The following PIK3C2G variants were observed in gnomAD, a reference collection of about 807,000 sequenced individuals.
PIK3C2G encodes the protein phosphatidylinositol 3-kinase C2 domain-containing subunit gamma.
A neutral mutation model predicts 181.1 loss-of-function variants in PIK3C2G; 168 were observed. The ratio of observed to expected loss-of-function variants is 0.93; its 90% confidence interval spans 0.82 to 1.05. PIK3C2G has a LOEUF of 1.05. PIK3C2G is among the 50% of genes least tolerant of loss of function. The pLI is 0.00. For missense variants in PIK3C2G, 1,869 were observed against 1,732.8 expected (o/e 1.08, Z -1.40); for synonymous variants, 573 against 592.2 (o/e 0.97, Z 0.47).
At chr12:18,360,975 C>G (rs1941185138) in intron 11 of PIK3C2G, among the ~76,000 whole-genome samples, 1 of 151,686 alleles carries the variant, frequency 6.6e-6, no homozygotes, top group Admixed American at 6.6e-5. Context: ...TTTTCTTTTT[C>G]TTTTTTTCTC....
chr12:18,297,596 G>C (rs777219678), intron 5 of PIK3C2G, among the ~76,000 whole-genome samples: 11 of 151,710 alleles, frequency 7.3e-5, no homozygotes, highest in Admixed American at 6.6e-5. Context: ...GTTAACTGTA[G>C]TCAAACTACT....
At chr12:18,329,538 T>C (rs565047189) in intron 8 of PIK3C2G, among the ~76,000 whole-genome samples, 22 of 152,150 alleles carry the variant, frequency 1.4e-4, no homozygotes, top group Middle Eastern at 3.4e-3. Context: ...TATGCACTTT[T>C]TGAGCCCTGT....
chr12:18,705,237 GCAAA>G, the PIK3C2G span: 1 of 1,614,020 alleles, frequency 6.2e-7, no homozygotes, highest in Non-Finnish European at 8.5e-7. Context: ...AAAGTAGCCT[GCAAA>G]TTGTCTGCCA....
At position 18,621,183 on chromosome 12, in the gene PIK3C2G, A is replaced by C. The variant is rs115072277; in HGVS notation, c.4182+11554A>C. 4.2e-3 allele frequency among the ~76,000 whole-genome samples: 644 copies of C among 152,034 alleles called. 4 individuals are homozygous for C. The highest frequency in any genetic ancestry group is 0.015 in the African/African-American group (619 of 41,548). ...GTGTCAGGAAGTTTGGAATCATTTA[A>C]GGCAGTTCAAAGCAATTTGAAAAAA... On this transcript the variant is annotated intron_variant, in intron 31 of 32. Coordinates refer to ENST00000538779, the MANE Select transcript of PIK3C2G (RefSeq NM_001288772.2).
intron 10 of PIK3C2G, among the ~76,000 whole-genome samples, 195 bp from the exon 11 acceptor site, chr12:18,346,446 A>G (rs934308707): frequency 6.6e-6 from 1 of 152,192 alleles, no homozygotes; most frequent in Non-Finnish European, 1.5e-5. Context: ...CAGAAAGCTT[A>G]TTGATGTCTA....
At chr12:18,532,729 C>A (rs1168270692) in intron 24 of PIK3C2G, among the ~76,000 whole-genome samples, 2 of 152,082 alleles carry the variant, frequency 1.3e-5, no homozygotes, top group African/African-American at 4.8e-5. Flanking sequence ...TCTGACAGTA[C>A]CCTGTGGGGG....
At chr12:18,484,545 T>G (rs898960261) in intron 18 of PIK3C2G, among the ~76,000 whole-genome samples, 7 of 152,184 alleles carry the variant, frequency 4.6e-5, no homozygotes, top group African/African-American at 1.7e-4. Flanking sequence ...CTGATTGGAA[T>G]TTGCATTATC....
In PIK3C2G at chr12:18,298,408, C is replaced by CTTT. The variant is rs71061295; in HGVS notation, c.1034+4404_1034+4406dup. 9.4e-3 allele frequency among the ~76,000 whole-genome samples: 1,297 copies of CTTT among 138,386 alleles called. 5 individuals are homozygous for CTTT. Among genetic ancestry groups the CTTT allele is most frequent in the African/African-American group, 0.013 (504 of 37,840 alleles). 90.8% of individuals were successfully genotyped at this position (138,386 alleles called of 152,430 possible). A position where few individuals can be genotyped will look rare whatever the true frequency, so the allele number is the denominator to read the frequency against. On this transcript the variant is annotated intron_variant, in intron 5 of 32. Transcript: ENST00000538779. ...TTCATTTTTAGTTTGTGTGTTTTTT[C>CTTT]TTTTTTTTTTTTTGCTGTTGAGTTT...
At chr12:18,358,044 T>C (rs1228149122) in intron 11 of PIK3C2G, among the ~76,000 whole-genome samples, 1 of 152,220 alleles carries the variant, frequency 6.6e-6, no homozygotes, top group South Asian at 2.1e-4. Flanking sequence ...CTGTGAACAA[T>C]GTTGAAATGA....
intron 31 of PIK3C2G, among the ~76,000 whole-genome samples, chr12:18,613,864 G>A (rs1948467317): frequency 6.6e-6 from 1 of 152,022 alleles, no homozygotes; most frequent in South Asian, 2.1e-4. Context: ...AGTAAATTGT[G>A]GTGCCTTTGA....
chr12:18,391,228 T>C lies in PIK3C2G; in HGVS notation c.2102T>C (p.Leu701Pro), dbSNP rs17847791. Reference sequence around the variant, plus strand: ...GAGTGTATAAAACATATTGCCAGACTTTCACAGAAACAGACTCCCCTACTG... The same window carrying C: ...GAGTGTATAAAACATATTGCCAGACCTTCACAGAAACAGACTCCCCTACTG... ...LKECIKHIAR[L>P]SQKQTPLLLS... The change falls in exon 15 of 33, where the codon CTT becomes CCT. Residue 701 changes from leucine to proline, a missense_variant. Leu to Pro is a moderately conservative substitution (Grantham distance 98). Coordinates refer to ENST00000538779, the MANE Select transcript of PIK3C2G (RefSeq NM_001288772.2). The C allele has an allele frequency of 6.6e-5, 105 of 1,596,460 alleles. No individual in the cohort carries two copies. The East Asian group carries it at 2.3e-3, about 36-fold the overall frequency.
intron 24 of PIK3C2G, among the ~76,000 whole-genome samples, chr12:18,521,630 AG>A (rs1322329179): frequency 6.6e-6 from 1 of 152,118 alleles, no homozygotes; most frequent in Non-Finnish European, 1.5e-5. Flanking sequence ...GGGGTTAGGA[AG>A]GGGGAGTGCA....
chr12:18,499,819 T>G (rs1941286114), intron 22 of PIK3C2G, among the ~76,000 whole-genome samples: 1 of 152,226 alleles, frequency 6.6e-6, no homozygotes, highest in Non-Finnish European at 1.5e-5. Flanking sequence ...ACTTAAAGTG[T>G]GAACCACAGA....
At chr12:18,249,155 C>T (rs1182216814) in intron 1 of PIK3C2G, among the ~76,000 whole-genome samples, 1 of 152,144 alleles carries the variant, frequency 6.6e-6, no homozygotes, top group Admixed American at 6.5e-5. Flanking sequence ...TCCCTGCCAC[C>T]ACCCTTACTC....
intron 1 of PIK3C2G, among the ~76,000 whole-genome samples, chr12:18,275,191 T>C (rs2137078109): frequency 6.6e-6 from 1 of 152,312 alleles, no homozygotes; most frequent in South Asian, 2.1e-4. Flanking sequence ...TTTGCTTCTG[T>C]CACAAGGTGT....
the PIK3C2G span, chr12:18,684,133 T>C: frequency 6.2e-7 from 1 of 1,611,514 alleles, no homozygotes; most frequent in Non-Finnish European, 8.5e-7. Context: ...ACATTACCTT[T>C]GTTCATGCAT....
chr12:18,421,836 G>C (rs962171966), intron 17 of PIK3C2G, among the ~76,000 whole-genome samples: 2 of 151,684 alleles, frequency 1.3e-5, no homozygotes, highest in Non-Finnish European at 2.9e-5. Flanking sequence ...AAAAGTGACT[G>C]GAAACTGGTA....
At chr12:18,603,529 G>A (rs7484369) in intron 30 of PIK3C2G, among the ~76,000 whole-genome samples, 2 of 151,878 alleles carry the variant, frequency 1.3e-5, no homozygotes, top group Non-Finnish European at 2.9e-5. Flanking sequence ...AGAACACCTG[G>A]GAATTCCTGG....
At chr12:18,656,145 T>A in the PIK3C2G span, among the ~76,000 whole-genome samples, 2 of 152,012 alleles carry the variant, frequency 1.3e-5, no homozygotes, top group African/African-American at 4.8e-5. Context: ...AAACAGCAAA[T>A]ATGCTGGGCA....
Sources: allele counts gnomAD v4.1 joint callset (sites outside exome capture counted in the v4.1 genomes callset), GRCh38; gene constraint gnomAD v4.1.1; transcripts MANE v1.5; gene names NCBI Gene and HGNC (gene_info 2026-07-23, HGNC 2026-07-21).